Variants in CDADC1 observed in about 807,000 individuals in gnomAD.
CDADC1 encodes the protein cytidine and dCMP deaminase domain containing 1.
CDADC1 carries 39 observed loss-of-function variants against 54.9 expected under a neutral mutation model. The ratio of observed to expected loss-of-function variants is 0.71; its 90% CI spans 0.55 to 0.93. The LOEUF is 0.93. Ranked by LOEUF, CDADC1 falls within the 40% of genes least tolerant of loss-of-function variation. CDADC1 has a pLI of 0.00. For missense variants in CDADC1, 518 were observed against 618.8 expected (o/e 0.84, Z 1.73); for synonymous variants, 186 against 204.0 (o/e 0.91, Z 0.75).
intron 2 of CDADC1, among the ~76,000 whole-genome samples, chr13:49,250,116 G>GT (rs1952391266): frequency 6.6e-6 from 1 of 152,102 alleles, no homozygotes. Context: ...TAAGCATGAG[G>GT]TTTTTTATTT....
In CDADC1 at chr13:49,248,877, T is replaced by C. The variant is rs1011621881; in HGVS notation, c.89T>C (p.Ile30Thr). 3.1e-6 allele frequency: 5 copies of C among 1,600,244 alleles called. No homozygotes were observed. Among genetic ancestry groups the C allele is most frequent in the Non-Finnish European group, 4.3e-6 (5 of 1,167,416 alleles). Residue 30 changes from isoleucine (I) to threonine (T), a missense_variant, in exon 2 of 10, where the codon ATA becomes ACA. Ile to Thr is a moderately conservative substitution (Grantham distance 89, BLOSUM62 -1). Coordinates refer to ENST00000251108, the MANE Select transcript of CDADC1 (RefSeq NM_030911.4). ...TTTGTCGTCTCTTTTGTAGGTCAGA[T>C]ACCAAGGCTTTCTAAAGTCAACCTT... The part of the protein sequence containing the change: ...STQTGSMTGQ[I>T]PRLSKVNLFT...
At chr13:49,267,469 C>T in intron 4 of CDADC1, 21 bp from the exon 5 acceptor site, 1 of 1,589,104 alleles carries the variant, frequency 6.3e-7, no homozygotes, top group Non-Finnish European at 8.6e-7. Context: ...TCATAATTAC[C>T]TTTCGTATTT....
chr13:49,275,170 C>T (rs1953072629), intron 6 of CDADC1, among the ~76,000 whole-genome samples: 1 of 150,882 alleles, frequency 6.6e-6, no homozygotes, highest in African/African-American at 2.4e-5. Context: ...ACTGCAACCT[C>T]TGCCTCCTGG....
chr13:49,270,298 C>T (rs1318431572), intron 5 of CDADC1, among the ~76,000 whole-genome samples: 1 of 152,136 alleles, frequency 6.6e-6, no homozygotes, highest in Non-Finnish European at 1.5e-5. Flanking sequence ...TGGCTCACTG[C>T]AGCCCTCAAC....
intron 5 of CDADC1, among the ~76,000 whole-genome samples, chr13:49,269,226 A>G (rs963358845): frequency 2.6e-5 from 4 of 151,796 alleles, no homozygotes; most frequent in African/African-American, 4.9e-5. Context: ...GGCAGCAAAT[A>G]GAATCGCCAT....
In CDADC1 at chr13:49,286,275, G is replaced by A. The variant is rs1566378980; in HGVS notation, c.1464G>A (p.Arg488=). 6.2e-7 allele frequency: 1 copy of A among 1,612,200 alleles called. No individual in the cohort carries two copies. The highest frequency in any genetic ancestry group is 8.5e-7 in the Non-Finnish European group (1 of 1,178,280). Reference sequence around the variant, plus strand: ...GTCTTGAACAAAATGAGCCTGAAAGGAGAGAAAGTAAGTATTTATGTATTG... The same window carrying A: ...GTCTTGAACAAAATGAGCCTGAAAGAAGAGAAAGTAAGTATTTATGTATTG... The part of the protein sequence containing the change: ...AYGLEQNEPE[R]RENGVLRPVP... The change falls in exon 9 of 10, where the codon AGG becomes AGA. Residue 488 remains arginine (R), a synonymous_variant. Coordinates refer to ENST00000251108, the MANE Select transcript of CDADC1 (RefSeq NM_030911.4).
At chr13:49,249,756 G>A (rs1952383274) in intron 2 of CDADC1, among the ~76,000 whole-genome samples, 1 of 152,040 alleles carries the variant, frequency 6.6e-6, no homozygotes, top group Non-Finnish European at 1.5e-5. Flanking sequence ...GAAATGTATA[G>A]TAAGAATAAT....
At chr13:49,290,719 C>T (rs1053166676) in intron 9 of CDADC1, among the ~76,000 whole-genome samples, 5 of 152,058 alleles carry the variant, frequency 3.3e-5, no homozygotes, top group African/African-American at 1.2e-4. Context: ...CAAAATGGCT[C>T]CTTCCTGTGA....
chr13:49,259,247 TA>T (rs1952614353), intron 3 of CDADC1, 98 bp from the exon 4 acceptor site: 1 of 863,518 alleles, frequency 1.2e-6, no homozygotes, highest in Non-Finnish European at 1.7e-6. Flanking sequence ...GATAAAGAAT[TA>T]AACAAAACTT....
intron 1 of CDADC1, 56 bp downstream of exon 1, chr13:49,248,175 C>A: frequency 7.1e-7 from 1 of 1,417,584 alleles, no homozygotes; most frequent in Non-Finnish European, 9.7e-7. Context: ...CCCTGTGCGT[C>A]TCCCGTCATT....
chr13:49,267,404 A>G, intron 4 of CDADC1, 86 bp from the exon 5 acceptor site: 2 of 1,071,916 alleles, frequency 1.9e-6, no homozygotes, highest in Non-Finnish European at 2.7e-6. Flanking sequence ...GGTTCTAGAT[A>G]TACTGCAATG....
At chr13:49,277,194 G>A in intron 6 of CDADC1, among the ~76,000 whole-genome samples, 1 of 151,626 alleles carries the variant, frequency 6.6e-6, no homozygotes, top group Non-Finnish European at 1.5e-5. Flanking sequence ...CAGTATGGCT[G>A]GGTGCAGTGG....
chr13:49,267,282 C>T (rs780518687), intron 4 of CDADC1, among the ~76,000 whole-genome samples: 2 of 152,154 alleles, frequency 1.3e-5, no homozygotes, highest in Non-Finnish European at 2.9e-5. Context: ...CATTCTTAAC[C>T]TGTGAGCTGT....
intron 3 of CDADC1, among the ~76,000 whole-genome samples, chr13:49,256,857 T>A (rs1168426312): frequency 1.3e-5 from 2 of 152,164 alleles, no homozygotes; most frequent in African/African-American, 2.4e-5. Context: ...GTTTTCATAA[T>A]AAGAAAGGCC....
chr13:49,264,278 T>C (rs968472506), intron 4 of CDADC1, among the ~76,000 whole-genome samples: 3 of 152,208 alleles, frequency 2.0e-5, no homozygotes, highest in African/African-American at 7.2e-5. Flanking sequence ...ATAGAAATTA[T>C]GCATGATTAT....
chr13:49,288,930 C>A (rs1022846591), intron 9 of CDADC1, among the ~76,000 whole-genome samples: 3 of 151,962 alleles, frequency 2.0e-5, no homozygotes, highest in Non-Finnish European at 2.9e-5. Flanking sequence ...CAATAGTAAG[C>A]GAACACAATA....
At chr13:49,279,326 T>A (rs1159978197) in intron 7 of CDADC1, among the ~76,000 whole-genome samples, 2 of 151,546 alleles carry the variant, frequency 1.3e-5, no homozygotes, top group Non-Finnish European at 2.9e-5. Flanking sequence ...AATGGGAGAG[T>A]GCAAGGGAAA....
At chr13:49,253,326 TTC>T (rs1952476397) in intron 2 of CDADC1, among the ~76,000 whole-genome samples, 1 of 152,238 alleles carries the variant, frequency 6.6e-6, no homozygotes, top group Non-Finnish European at 1.5e-5. Context: ...TCAGTCTTTT[TTC>T]TCTTACTTTC....
At chr13:49,267,325 T>G (rs1167369555) in intron 4 of CDADC1, among the ~76,000 whole-genome samples, 165 bp from the exon 5 acceptor site, 1 of 152,102 alleles carries the variant, frequency 6.6e-6, no homozygotes, top group African/African-American at 2.4e-5. Flanking sequence ...ATTTGGCCTG[T>G]GGGTGGTAGT....
Sources: gnomAD v4.1 joint callset for allele counts (sites outside exome capture counted in the v4.1 genomes callset) on GRCh38, gnomAD v4.1.1 for gene constraint, MANE v1.5 for transcripts, NCBI Gene and HGNC (gene_info 2026-07-23, HGNC 2026-07-21) for gene names.